The following NRXN1 variants were observed in gnomAD, a reference collection of about 807,000 sequenced individuals.
NRXN1 encodes the protein neurexin-1.
In NRXN1, 39 loss-of-function variants were observed where a neutral mutation model predicts 150.9. The ratio of observed to expected loss-of-function variants is 0.26; its 90% CI spans 0.20 to 0.34. The LOEUF (loss-of-function observed/expected upper bound fraction) is 0.34, where lower values mean the gene tolerates loss of function less well. Ranked by LOEUF, NRXN1 falls within the 10% of genes least tolerant of loss-of-function variation. NRXN1 has a pLI of 1.00. For missense variants in NRXN1, 1,815 were observed against 1,949.9 expected (o/e 0.93, Z 1.30); for synonymous variants, 924 against 757.0 (o/e 1.22, Z -3.62).
At chr2:50,320,283 C>CATATATATATATAT (rs61282635) in intron 17 of NRXN1, among the ~76,000 whole-genome samples, 4 of 43,052 alleles carry the variant, frequency 9.3e-5, no homozygotes, top group East Asian at 1.9e-3. Flanking sequence ...ATACCTCAAT[C>CATATATATATATAT]ATATATATAT....
chr2:50,984,585 T>C (rs1349916714), intron 2 of NRXN1, among the ~76,000 whole-genome samples: 3 of 152,064 alleles, frequency 2.0e-5, no homozygotes, highest in Non-Finnish European at 4.4e-5. Flanking sequence ...GGCTGAAGGC[T>C]ATATCTGGGA....
Position 50,539,168 on chromosome 2 carries a change from G to C in NRXN1, c.1760-532C>G, listed in dbSNP as rs527705838. ...ATAAACCTATTGATTAACTTACATA[G>C]TTTTGTTTCCCTTACTCATAATATG... is the stretch of plus-strand genomic sequence containing the variant. On this transcript the variant is annotated intron_variant, in intron 9 of 22. Coordinates refer to ENST00000401669, the MANE Select transcript of NRXN1 (RefSeq NM_001330078.2). Among the ~76,000 whole-genome samples the C allele has an allele frequency of 2.6e-5, 4 of 152,204 alleles. No individual in the cohort carries two copies. In the East Asian group the frequency reaches 7.7e-4, roughly 29 times the overall value.
intron 17 of NRXN1, among the ~76,000 whole-genome samples, chr2:50,265,782 A>G (rs2068766249): frequency 6.6e-6 from 1 of 152,084 alleles, no homozygotes; most frequent in South Asian, 2.1e-4. Context: ...TTCACACTTA[A>G]GCAAATACAT....
At chr2:50,546,395 G>T (rs979144896) in intron 9 of NRXN1, among the ~76,000 whole-genome samples, 1 of 152,090 alleles carries the variant, frequency 6.6e-6, no homozygotes, top group Non-Finnish European at 1.5e-5. Context: ...TACAAGCCCA[G>T]GGGCCTAGCT....
At chr2:50,958,769 T>G (rs1692679009) in intron 2 of NRXN1, among the ~76,000 whole-genome samples, 1 of 152,104 alleles carries the variant, frequency 6.6e-6, no homozygotes, top group African/African-American at 2.4e-5. Context: ...TCTTGTCTTG[T>G]TTCTGATTTA....
At chr2:50,079,770 G>A (rs1399267346) in intron 19 of NRXN1, among the ~76,000 whole-genome samples, 1 of 152,016 alleles carries the variant, frequency 6.6e-6, no homozygotes, top group Non-Finnish European at 1.5e-5. Context: ...TATCTAGTAA[G>A]AGGAGCGAAA....
chr2:50,984,522 G>T (rs1366616978), intron 2 of NRXN1, among the ~76,000 whole-genome samples: 1 of 151,926 alleles, frequency 6.6e-6, no homozygotes, highest in Non-Finnish European at 1.5e-5. Context: ...TAGATTTCCA[G>T]AGAAGGGAAC....
At chr2:50,890,877 T>G (rs1156994149) in intron 5 of NRXN1, among the ~76,000 whole-genome samples, 7 of 151,998 alleles carry the variant, frequency 4.6e-5, no homozygotes, top group Non-Finnish European at 8.8e-5. Flanking sequence ...TGATTAGGTT[T>G]ATTTTCAGTA....
chr2:50,057,217 C>T lies in NRXN1; in HGVS notation c.3719-2173G>A, dbSNP rs148308329. Among the ~76,000 whole-genome samples the T allele has an allele frequency of 1.5e-3, 230 of 152,188 alleles. 1 individual carries two copies. The highest frequency in any genetic ancestry group is 2.9e-3 in the Non-Finnish European group (199 of 68,030). On this transcript the variant is annotated intron_variant, in intron 19 of 22. Transcript: ENST00000401669. ...CTTCCTACCTCCCTGTCCCCTCTCA[C>T]GGCCATCACTGCCTCACTCTGCTCT...
intron 5 of NRXN1, among the ~76,000 whole-genome samples, chr2:50,703,429 G>T (rs1694030039): frequency 6.6e-6 from 1 of 152,116 alleles, no homozygotes; most frequent in Non-Finnish European, 1.5e-5. Flanking sequence ...TAGCTTAAAA[G>T]TTTTATTTCA....
At chr2:50,640,473 C>A (rs962943906) in intron 5 of NRXN1, among the ~76,000 whole-genome samples, 1 of 152,076 alleles carries the variant, frequency 6.6e-6, no homozygotes, top group Non-Finnish European at 1.5e-5. Flanking sequence ...AAAGGAGAAA[C>A]ACTTAAATGC....
intron 5 of NRXN1, among the ~76,000 whole-genome samples, chr2:50,832,294 G>A (rs1671514984): frequency 6.6e-6 from 1 of 152,124 alleles, no homozygotes; most frequent in African/African-American, 2.4e-5. Context: ...TTTGCAGACT[G>A]AGTGAGAGCT....
chr2:50,743,280 T>C (rs1699654266), intron 5 of NRXN1, among the ~76,000 whole-genome samples: 1 of 152,216 alleles, frequency 6.6e-6, no homozygotes, highest in East Asian at 1.9e-4. Context: ...CTAGGAATTA[T>C]GAGCTATGCA....
intron 2 of NRXN1, among the ~76,000 whole-genome samples, chr2:50,942,997 G>A (rs1437750682): frequency 6.6e-6 from 1 of 152,164 alleles, no homozygotes; most frequent in African/African-American, 2.4e-5. Context: ...CCTGTGGGTG[G>A]TGACTGAATC....
At chr2:50,309,813 C>A (rs190653180) in intron 17 of NRXN1, among the ~76,000 whole-genome samples, 1 of 152,226 alleles carries the variant, frequency 6.6e-6, no homozygotes, top group African/African-American at 2.4e-5. Context: ...GATCACACTA[C>A]AGAGATGTCC....
chr2:50,200,673 T>C (rs1454620929), intron 18 of NRXN1, among the ~76,000 whole-genome samples: 1 of 152,106 alleles, frequency 6.6e-6, no homozygotes, highest in Non-Finnish European at 1.5e-5. Flanking sequence ...AATAAAATCA[T>C]TTGGTTTCCT....
chr2:50,346,422 C>T lies in NRXN1; in HGVS notation c.3365-109452G>A, dbSNP rs922683053. On this transcript the variant is annotated intron_variant, in intron 17 of 22. Transcript: ENST00000401669. This position sits in a 1 kb window ranked among gnomAD's most constrained non-coding sequence, Gnocchi z 5.0. Reference sequence around the variant, plus strand: ...GCGGGGCCCAGCCGCGCGACCAGGGCTGGTCCTTTAGTAGGTGTCCACATC... The same window carrying T: ...GCGGGGCCCAGCCGCGCGACCAGGGTTGGTCCTTTAGTAGGTGTCCACATC... Among the ~76,000 whole-genome samples, 1 of 152,118 alleles carries T rather than the reference C, an allele frequency of 6.6e-6. No homozygotes were observed. Among genetic ancestry groups the T allele is most frequent in the African/African-American group, 2.4e-5 (1 of 41,440 alleles).
At chr2:50,528,112 G>C (rs528294918) in intron 12 of NRXN1, among the ~76,000 whole-genome samples, 2 of 152,084 alleles carry the variant, frequency 1.3e-5, no homozygotes, top group African/African-American at 2.4e-5. Context: ...GATATGATTA[G>C]GATGTAAAAA....
At chr2:50,493,853 C>G (rs1047862878) in intron 15 of NRXN1, among the ~76,000 whole-genome samples, 1 of 152,148 alleles carries the variant, frequency 6.6e-6, no homozygotes, top group African/African-American at 2.4e-5. Context: ...TTTAAAAAAA[C>G]ACAAGTACAC....
Sources: allele counts gnomAD v4.1 joint callset (sites outside exome capture counted in the v4.1 genomes callset), GRCh38; gene constraint gnomAD v4.1.1; non-coding constraint Gnocchi (gnomAD v3.1); transcripts MANE v1.5; gene names NCBI Gene and HGNC (gene_info 2026-07-23, HGNC 2026-07-21).